The following ZNF567 variants were observed in gnomAD, a reference collection of about 807,000 sequenced individuals.
ZNF567 encodes zinc finger protein 567.
A neutral mutation model predicts 53.9 loss-of-function variants in ZNF567; 36 were observed. The ratio of observed to expected loss-of-function variants is 0.67; its 90% confidence interval spans 0.51 to 0.88. The LOEUF (loss-of-function observed/expected upper bound fraction) is 0.88. Ranked by LOEUF, ZNF567 falls within the 40% of genes least tolerant of loss-of-function variation. The probability of loss-of-function intolerance (pLI) is 0.00; values close to 1 mark genes in which losing one functional copy is unlikely to be tolerated. For synonymous variants in ZNF567, 224 were observed against 260.4 expected (o/e 0.86, Z 1.35); for missense variants, 619 against 764.7 (o/e 0.81, Z 2.25).
intron 1 of ZNF567, among the ~76,000 whole-genome samples, 159 bp from the exon 2 acceptor site, chr19:36,689,236 AGT>A (rs59984347): frequency 0.34 from 46,867 of 138,542 alleles, 7,701 homozygotes; most frequent in Middle Eastern, 0.44. Context: ...CCTATTTGAG[AGT>A]GTGTGTGTGT....
chr19:36,727,278 C>G (rs1470057370), downstream of ZNF567: 1 of 151,392 alleles, frequency 6.6e-6, no homozygotes, highest in East Asian at 2.0e-4. Flanking sequence ...CTATGTTGGC[C>G]AGGCTGGTCT....
downstream of ZNF567, among the ~76,000 whole-genome samples, chr19:36,724,164 G>C (rs2040325011): frequency 6.6e-6 from 1 of 151,228 alleles, no homozygotes; most frequent in Non-Finnish European, 1.5e-5. Flanking sequence ...GTTCCCCCAT[G>C]CCTGGCTAAT....
At chr19:36,690,186 G>C (rs1275358714) in intron 2 of ZNF567, among the ~76,000 whole-genome samples, 4 of 152,204 alleles carry the variant, frequency 2.6e-5, no homozygotes, top group Non-Finnish European at 4.4e-5. Flanking sequence ...GGGTGTGTGT[G>C]TATGTGGAAA....
chr19:36,715,510 AT>A (rs1382842740), intron 5 of ZNF567, among the ~76,000 whole-genome samples: 632 of 24,314 alleles, frequency 0.026, 3 homozygotes, highest in Admixed American at 0.051. Context: ...AATAATAATA[AT>A]TATTATTATT....
intron 3 of ZNF567, among the ~76,000 whole-genome samples, chr19:36,704,246 C>T (rs911117820): frequency 6.6e-6 from 1 of 152,042 alleles, no homozygotes; most frequent in Non-Finnish European, 1.5e-5. Context: ...CAAGACTGGC[C>T]TGGGCAACAT....
At position 36,720,436 on chromosome 19, in the gene ZNF567, G is replaced by A; in HGVS notation, c.1712G>A (p.Ser571Asn). 1 of 1,613,946 alleles carries A rather than the reference G, an allele frequency of 6.2e-7. No homozygotes were observed. The highest frequency in any genetic ancestry group is 8.5e-7 in the Non-Finnish European group (1 of 1,179,980). Residue 571 changes from serine to asparagine, a missense_variant, in exon 6 of 6, where the codon AGC becomes AAC. Coordinates refer to ENST00000682579, the MANE Select transcript of ZNF567 (RefSeq NM_001322917.1). ...TGTCCTCAGTGTGGGAAAGCCTTTA[G>A]CAGGAAGTCATATCTCATTCATCAT... ...YECPQCGKAF[S>N]RKSYLIHHQR...
intron 5 of ZNF567, among the ~76,000 whole-genome samples, chr19:36,715,817 C>T (rs1446312805): frequency 6.6e-6 from 1 of 152,128 alleles, no homozygotes; most frequent in East Asian, 1.9e-4. Flanking sequence ...GCCTGAGCCA[C>T]CGTGCCCAAT....
the ZNF567 span, among the ~76,000 whole-genome samples, chr19:36,678,626 T>C: frequency 6.6e-6 from 1 of 151,710 alleles, no homozygotes; most frequent in African/African-American, 2.4e-5. Context: ...GGGTGGATCA[T>C]GAGGTCAGGA....
intron 5 of ZNF567, 31 bp downstream of exon 5, chr19:36,712,898 C>G (rs2039863238): frequency 6.4e-7 from 1 of 1,557,526 alleles, no homozygotes; most frequent in Admixed American, 1.8e-5. Context: ...CAGACACAGT[C>G]TAGCAGAATG....
chr19:36,696,594 T>C (rs1016933584), intron 3 of ZNF567, among the ~76,000 whole-genome samples: 4 of 152,124 alleles, frequency 2.6e-5, no homozygotes, highest in African/African-American at 9.7e-5. Context: ...AAGTCTCCCA[T>C]TCACTGCAAA....
intron 3 of ZNF567, among the ~76,000 whole-genome samples, chr19:36,701,020 G>A (rs1399668024): frequency 2.6e-5 from 4 of 151,826 alleles, no homozygotes; most frequent in Admixed American, 1.3e-4. Context: ...ATGTTAGGGT[G>A]TCAATTTTGG....
downstream of ZNF567, among the ~76,000 whole-genome samples, chr19:36,726,535 T>C (rs3108581): frequency 0.3 from 45,323 of 151,978 alleles, 6,830 homozygotes; most frequent in African/African-American, 0.33. Context: ...ACTGAGGAGT[T>C]CTGGCTCCCT....
chr19:36,719,579 A>G lies in ZNF567; in HGVS notation c.855A>G (p.Gln285=), dbSNP rs751057132. ...HSEEKPYQCH[Q]CGNAFRRKSY... ...AAGAAAAACCCTATCAATGTCATCAATGTGGAAATGCATTTAGAAGGAAAT... is the reference window on the plus strand; with the variant it reads ...AAGAAAAACCCTATCAATGTCATCAGTGTGGAAATGCATTTAGAAGGAAAT... Residue 285 remains glutamine, a synonymous_variant, in exon 6 of 6, where the codon CAA becomes CAG. Coordinates refer to ENST00000682579, the MANE Select transcript of ZNF567 (RefSeq NM_001322917.1). The G allele has an allele frequency of 9.9e-6, 16 of 1,614,076 alleles. No individual in the cohort carries two copies. The highest frequency in any genetic ancestry group is 6.7e-5 in the East Asian group (3 of 44,892).
intron 3 of ZNF567, among the ~76,000 whole-genome samples, chr19:36,705,039 A>G (rs1022860684): frequency 2.6e-5 from 4 of 152,202 alleles, no homozygotes; most frequent in African/African-American, 9.6e-5. Context: ...AATCTGTAAC[A>G]ATACCCCTTT....
At chr19:36,722,951 TAAAG>T (rs769322658), downstream of ZNF567, among the ~76,000 whole-genome samples, 10 of 149,598 alleles carry the variant, frequency 6.7e-5, no homozygotes, top group East Asian at 1.9e-4. Flanking sequence ...TATATATGCA[TAAAG>T]ATTTTTTAAA....
chr19:36,720,310 G>C lies in ZNF567; in HGVS notation c.1586G>C (p.Gly529Ala). 6.2e-7 allele frequency: 1 copy of C among 1,614,052 alleles called. No homozygotes were observed. The highest frequency in any genetic ancestry group is 1.1e-5 in the South Asian group (1 of 91,072). The change falls in exon 6 of 6, where the codon GGG becomes GCG. Residue 529 changes from glycine (G) to alanine (A), a missense_variant. Transcript: ENST00000682579. ...AATCTACATCAGAGAATTCATACAG[G>C]GGAGAAACCCTATGTTTGTAATGAA... Reference protein sequence around the residue: ...NLNLHQRIHTGEKPYVCNECG... With the variant: ...NLNLHQRIHTAEKPYVCNECG...
intron 3 of ZNF567, among the ~76,000 whole-genome samples, chr19:36,709,122 A>G (rs538777480): frequency 2.6e-4 from 40 of 152,224 alleles, no homozygotes; most frequent in African/African-American, 4.6e-4. Context: ...GCCAAAATCC[A>G]GCCTGTTTCC....
chr19:36,704,287 G>A (rs1189468171), intron 3 of ZNF567, among the ~76,000 whole-genome samples: 1 of 152,102 alleles, frequency 6.6e-6, no homozygotes, highest in Non-Finnish European at 1.5e-5. Flanking sequence ...ATCTGGATGT[G>A]GTGGGCGCCT....
chr19:36,727,382 AT>A (rs566213603), downstream of ZNF567: 808 of 136,492 alleles, frequency 5.9e-3, 4 homozygotes, highest in African/African-American at 0.017. Flanking sequence ...AAGTAGAGCA[AT>A]TTTTTTTTTT....
Sources: allele counts gnomAD v4.1 joint callset (sites outside exome capture counted in the v4.1 genomes callset), GRCh38; gene constraint gnomAD v4.1.1; transcripts MANE v1.5; gene names NCBI Gene and HGNC (gene_info 2026-07-23, HGNC 2026-07-21).